Variants in L1CAM observed in about 807,000 individuals in gnomAD.
L1CAM encodes the protein L1 cell adhesion molecule.
A neutral mutation model predicts 93.0 loss-of-function variants in L1CAM; 8 were observed. The observed-to-expected ratio is 0.09, with a 90% CI of 0.05 to 0.16. The LOEUF (loss-of-function observed/expected upper bound fraction) is 0.16. L1CAM is among the 10% of genes least tolerant of loss of function. L1CAM has a pLI of 1.00. For synonymous variants in L1CAM, 453 were observed against 453.0 expected, an observed-to-expected ratio of 1.00 and a Z score of 0.00; for missense variants, 777 against 1,073.4, an observed-to-expected ratio of 0.72 and a Z score of 3.86.
chrX:153,872,736 C>A, intron 3 of L1CAM, 39 bp from the exon 4 acceptor site: 1 of 1,078,169 alleles, frequency 9.3e-7, no homozygotes, highest in Non-Finnish European at 1.3e-6. Context: ...GAGGGTGCTG[C>A]CTGGCTGGTG....
At chrX:153,875,543 T>A in intron 2 of L1CAM, 1 of 502,201 alleles carries the variant, frequency 2.0e-6, no homozygotes, top group Non-Finnish European at 3.6e-6. Flanking sequence ...CGGCCGCGCC[T>A]GTCCCTGTCC....
chrX:153,885,907 G>A (rs2064877928), intron 1 of L1CAM, 158 bp downstream of exon 1: 2 of 825,061 alleles, frequency 2.4e-6, no homozygotes, highest in African/African-American at 2.3e-5. Context: ...CCCGGAGCCC[G>A]ACGCCCGGCA....
intron 11 of L1CAM, chrX:153,869,172 G>A (rs1344502048): frequency 7.1e-5 from 32 of 452,121 alleles, no homozygotes; most frequent in South Asian, 5.7e-4. Context: ...CAACTTTTAC[G>A]TTATTCCAGG....
rs200066059 is a variant in L1CAM, at chrX:153,864,312, G to A, written c.3322+10C>T. The A allele has an allele frequency of 5.7e-5, 69 of 1,208,129 alleles. No individual in the cohort carries two copies. Among genetic ancestry groups the A allele is most frequent in the Admixed American group, 3.5e-4 (16 of 45,903 alleles). On this transcript the variant is annotated intron_variant, in intron 25 of 28. Transcript: ENST00000370060. Reference sequence around the variant, plus strand: ...CCCTGGCAGGTGATGGCGGGCCCCCGGCGCCTCACCTGTGCCATTGGTCTT... The same window carrying A: ...CCCTGGCAGGTGATGGCGGGCCCCCAGCGCCTCACCTGTGCCATTGGTCTT...
In L1CAM at chrX:153,886,073, C is replaced by A; in HGVS notation, c.-117G>T. ...AGGCCAGCCCGCCTTACCTGCGCTG[C>A]GGCCACCGCTCGGGCTGCCCGCCCA... On this transcript the variant is annotated 5_prime_UTR_variant, in exon 1 of 29. Coordinates refer to ENST00000370060, the MANE Select transcript of L1CAM (RefSeq NM_001278116.2). 3.5e-6 allele frequency: 1 copy of A among 283,246 alleles called. No individual in the cohort carries two copies. The highest frequency in any genetic ancestry group is 4.8e-6 in the Non-Finnish European group (1 of 209,738). The allele number at this position is 283,246 out of a possible 1,213,427, so 23.3% of individuals were successfully genotyped here. A position where few individuals can be genotyped will look rare whatever the true frequency, so the allele number is the denominator to read the frequency against.
intron 1 of L1CAM, among the ~76,000 whole-genome samples, chrX:153,879,695 G>A (rs782150036): frequency 9.6e-4 from 106 of 110,408 alleles, no homozygotes; most frequent in African/African-American, 3.2e-3. Flanking sequence ...AGGGACGGCC[G>A]TGAGACAGGA....
chrX:153,876,225 A>C, intron 1 of L1CAM: 1 of 396,091 alleles, frequency 2.5e-6, no homozygotes, highest in Non-Finnish European at 4.4e-6. Flanking sequence ...CCCAGCACCA[A>C]CTTGTTGCCC....
chrX:153,866,833 C>T lies in L1CAM; in HGVS notation c.2247G>A (p.Gln749=). The T allele has an allele frequency of 8.3e-7, 1 of 1,211,742 alleles. No homozygotes were observed. The highest frequency in any genetic ancestry group is 1.1e-6 in the Non-Finnish European group (1 of 895,431). The change falls in exon 19 of 29, where the codon CAG becomes CAA. Residue 749 remains glutamine, a synonymous_variant. Coordinates refer to ENST00000370060, the MANE Select transcript of L1CAM (RefSeq NM_001278116.2). ...CCTGAGGGCGCCACTGCACGCGGTA[C>T]TGAACCTGGGGGGCGTTCCAGTCCA... The part of the protein sequence containing the change: ...RWMDWNAPQV[Q]YRVQWRPQGT...
Position 153,872,320 on chromosome X carries a change from G to A in L1CAM, c.232C>T (p.Pro78Ser), listed in dbSNP as rs144542429. 70 of 1,205,065 alleles carry A rather than the reference G, an allele frequency of 5.8e-5. No homozygotes were observed. Among genetic ancestry groups the A allele is most frequent in the Non-Finnish European group, 7.4e-5 (66 of 893,791 alleles). ...ACGGTCACACCCAGCTCTTCCTTGGGTTTGAAGTGGACACCATCCCTCGTC... is the reference window on the plus strand; with the variant it reads ...ACGGTCACACCCAGCTCTTCCTTGGATTTGAAGTGGACACCATCCCTCGTC... ...RWTRDGVHFK[P>S]KEELGVTVYQ... Residue 78 changes from proline (P) to serine (S), a missense_variant, in exon 5 of 29, where the codon CCC (proline) becomes TCC (serine). Transcript: ENST00000370060.
intron 15 of L1CAM, 32 bp downstream of exon 15, chrX:153,867,966 T>C (rs782539614): frequency 8.3e-7 from 1 of 1,210,318 alleles, no homozygotes; most frequent in Non-Finnish European, 1.1e-6. Context: ...GCCCCGGCCT[T>C]CTGGAGTGGA....
chrX:153,885,557 C>G, intron 1 of L1CAM: 1 of 367,185 alleles, frequency 2.7e-6, no homozygotes. Context: ...CCCCCCATTG[C>G]AGGGGCGGCT....
In L1CAM at chrX:153,869,213, C is replaced by G. The variant is rs782429009; in HGVS notation, c.1268-261G>C. ...CTGACAGTCACCTCTCCCCAGAAGC[C>G]TTCCTGGCCTAGTCCCCAGCCTTCC... On this transcript the variant is annotated intron_variant, in intron 11 of 28. Transcript: ENST00000370060. The G allele has an allele frequency of 1.0e-4, 47 of 447,885 alleles. No homozygotes were observed. The African/African-American group carries it at 1.1e-3, about 11-fold the overall frequency. 36.9% of individuals were successfully genotyped at this position (447,885 alleles called of 1,213,427 possible). A position where few individuals can be genotyped will look rare whatever the true frequency, so the allele number is the denominator to read the frequency against.
At chrX:153,879,152 G>C (rs1330287626) in intron 1 of L1CAM, among the ~76,000 whole-genome samples, 2 of 111,151 alleles carry the variant, frequency 1.8e-5, no homozygotes, top group Non-Finnish European at 3.8e-5. Context: ...GGAGCGGGGA[G>C]GGGGGAGTGT....
In L1CAM at chrX:153,865,763, G is replaced by T; in HGVS notation, c.2488C>A (p.Leu830Met). 8.3e-7 allele frequency: 1 copy of T among 1,211,212 alleles called. No individual in the cohort carries two copies. Among genetic ancestry groups the T allele is most frequent in the Non-Finnish European group, 1.1e-6 (1 of 894,808 alleles). ...GIEILNSSAV[L>M]VKWRPVDLAQ... is the part of the protein sequence containing the mutation. ...AGGTCCACCGGCCGCCACTTGACCAGCACGGCACTTGAGTTGAGGATTTCA... is the reference window on the plus strand; with the variant it reads ...AGGTCCACCGGCCGCCACTTGACCATCACGGCACTTGAGTTGAGGATTTCA... Residue 830 changes from leucine (L) to methionine (M), a missense_variant, in exon 20 of 29, where the codon CTG becomes ATG. Around this residue, in one of 5 missense-constraint regions of L1CAM, gnomAD observed 574 missense variants for 781.0 expected, o/e 0.73. Transcript: ENST00000370060.
chrX:153,885,668 C>G, intron 1 of L1CAM: 1 of 297,837 alleles, frequency 3.4e-6, no homozygotes, highest in Non-Finnish European at 5.6e-6. Flanking sequence ...CCACACCCCA[C>G]GGCGGCCTGT....
chrX:153,883,395 G>C (rs1036172883), intron 1 of L1CAM, among the ~76,000 whole-genome samples: 4 of 109,949 alleles, frequency 3.6e-5, no homozygotes, highest in Admixed American at 9.5e-5. Context: ...ATGGCCCTGG[G>C]GGTGGGGCAC....
chrX:153,868,907 G>A lies in L1CAM; in HGVS notation c.1313C>T (p.Ala438Val). The change falls in exon 12 of 29, where the codon GCT (alanine) becomes GTT (valine). Residue 438 changes from alanine (A) to valine (V), a missense_variant. Ala to Val is a moderately conservative substitution (Grantham distance 64, BLOSUM62 0). This residue lies in a region of L1CAM where 574 missense variants were observed against 781.0 expected (regional missense o/e 0.73). Coordinates refer to ENST00000370060, the MANE Select transcript of L1CAM (RefSeq NM_001278116.2). ...ILTADNQTYM[A>V]VQGSTAYLLC... The stretch of plus-strand genomic sequence containing the variant: ...AAGGTAGGCAGTGCTGCCCTGGACA[G>A]CCATGTACGTCTGATTGTCCGCAGT... The A allele has an allele frequency of 8.3e-7, 1 of 1,211,762 alleles. No individual in the cohort carries two copies. The highest frequency in any genetic ancestry group is 1.1e-6 in the Non-Finnish European group (1 of 895,245).
intron 1 of L1CAM, among the ~76,000 whole-genome samples, chrX:153,881,090 G>T (rs1163191691): frequency 8.9e-6 from 1 of 112,570 alleles, no homozygotes; most frequent in Non-Finnish European, 1.9e-5. Flanking sequence ...TGCCTCTGTG[G>T]TCTGTTCTAT....
rs183763684 is a variant in L1CAM, at chrX:153,866,609, C to T, written c.2431+40G>A. The T allele has an allele frequency of 5.7e-4, 606 of 1,065,014 alleles. 1 individual carries two copies. Among genetic ancestry groups the T allele is most frequent in the South Asian group, 1.4e-3 (73 of 52,064 alleles). 87.8% of individuals were successfully genotyped at this position (1,065,014 alleles called of 1,213,427 possible). ...GGACATGGGCTGGGGTGGAAGCAGG[C>T]GAGCTCAACCGTGGGCGAGGGGCCC... On this transcript the variant is annotated intron_variant, in intron 19 of 28. Transcript: ENST00000370060.
Sources: allele counts gnomAD v4.1 joint callset (sites outside exome capture counted in the v4.1 genomes callset), GRCh38; gene constraint gnomAD v4.1.1; regional missense constraint gnomAD v4.1.1; transcripts MANE v1.5; gene names NCBI Gene and HGNC (gene_info 2026-07-23, HGNC 2026-07-21).